KIAA1958: variants seen among roughly 807,000 people sequenced by gnomAD.
The protein encoded by KIAA1958 is KIAA1958, also known as uncharacterized protein KIAA1958.
KIAA1958 carries 14 observed loss-of-function variants against 47.2 expected under a neutral mutation model. The observed-to-expected ratio is 0.30, with a 90% confidence interval of 0.20 to 0.46. The LOEUF is 0.46. Ranked by LOEUF, KIAA1958 falls within the 20% of genes least tolerant of loss-of-function variation. KIAA1958 has a pLI of 1.00. For missense variants in KIAA1958, 803 were observed against 909.2 expected (o/e 0.88, Z 1.50); for synonymous variants, 354 against 353.3 (o/e 1.00, Z -0.02).
chr9:112,531,726 A>G (rs1271679919), intron 1 of KIAA1958, among the ~76,000 whole-genome samples: 1 of 152,216 alleles, frequency 6.6e-6, no homozygotes, highest in Non-Finnish European at 1.5e-5. Context: ...TATTTTGATA[A>G]TTACAACCCT....
At chr9:112,586,723 CCT>C (rs1835828089) in intron 2 of KIAA1958, among the ~76,000 whole-genome samples, 1 of 152,178 alleles carries the variant, frequency 6.6e-6, no homozygotes, top group South Asian at 2.1e-4. Flanking sequence ...TAGCTGTAAA[CCT>C]CAGAATATAA....
chr9:112,655,858 A>T (rs1837141878), intron 3 of KIAA1958, among the ~76,000 whole-genome samples: 1 of 152,146 alleles, frequency 6.6e-6, no homozygotes, highest in Non-Finnish European at 1.5e-5. Context: ...GGAATTTTGA[A>T]ACTGGATCTC....
chr9:112,556,535 G>C (rs1005649674), intron 1 of KIAA1958, among the ~76,000 whole-genome samples: 3 of 152,134 alleles, frequency 2.0e-5, no homozygotes, highest in Admixed American at 1.3e-4. Flanking sequence ...GGGTCTTACT[G>C]TGTTGCCCAG....
chr9:112,575,145 A>T lies in KIAA1958; in HGVS notation c.1065A>T (p.Val355=). Residue 355 remains valine (V), a synonymous_variant, in exon 2 of 4, where the codon GTA becomes GTT. Coordinates refer to ENST00000337530, the MANE Select transcript of KIAA1958 (RefSeq NM_133465.4). Reference sequence around the variant, plus strand: ...CCAGCCAGGTCTCCTCCTGTGAGGTAGCCCTTTCTCCCTCAGTTAACACAG... The same window carrying T: ...CCAGCCAGGTCTCCTCCTGTGAGGTTGCCCTTTCTCCCTCAGTTAACACAG... ...HLPSQVSSCE[V]ALSPSVNTEP... 6.2e-7 allele frequency: 1 copy of T among 1,602,208 alleles called. No individual in the cohort carries two copies. The highest frequency in any genetic ancestry group is 8.5e-7 in the Non-Finnish European group (1 of 1,179,864).
Position 112,602,675 on chromosome 9 carries a change from G to A in KIAA1958, c.1171+27424G>A, listed in dbSNP as rs74932888. On this transcript the variant is annotated intron_variant, in intron 2 of 3. Transcript: ENST00000337530. ...TAGTAATTTGTGTGATGGCCAACGG[G>A]TCCTTAATTCCTAAGGAACTATCCC... is the stretch of plus-strand genomic sequence containing the variant. 1.6e-3 allele frequency among the ~76,000 whole-genome samples: 244 copies of A among 152,176 alleles called. 1 individual carries two copies. The highest frequency in any genetic ancestry group is 5.4e-3 in the African/African-American group (226 of 41,528).
intron 2 of KIAA1958, among the ~76,000 whole-genome samples, chr9:112,601,900 A>C (rs1836139590): frequency 6.6e-6 from 1 of 152,236 alleles, no homozygotes; most frequent in South Asian, 2.1e-4. Flanking sequence ...ATACTGGACT[A>C]ACATACTATC....
At chr9:112,566,403 C>T (rs955188591) in intron 1 of KIAA1958, among the ~76,000 whole-genome samples, 7 of 152,050 alleles carry the variant, frequency 4.6e-5, no homozygotes, top group Non-Finnish European at 7.4e-5. Context: ...GAGTTCTCCC[C>T]GCCTTTACAA....
At chr9:112,558,822 T>C (rs1166671908) in intron 1 of KIAA1958, among the ~76,000 whole-genome samples, 1 of 152,126 alleles carries the variant, frequency 6.6e-6, no homozygotes, top group Non-Finnish European at 1.5e-5. Flanking sequence ...TATTTCACAG[T>C]GATAAGAAAG....
intron 2 of KIAA1958, among the ~76,000 whole-genome samples, chr9:112,597,737 T>C (rs1354702675): frequency 6.6e-6 from 1 of 152,230 alleles, no homozygotes; most frequent in Non-Finnish European, 1.5e-5. Context: ...GAATATGTTT[T>C]TGTTGAATGT....
intron 2 of KIAA1958, among the ~76,000 whole-genome samples, chr9:112,604,764 G>A (rs1836195825): frequency 6.6e-6 from 1 of 151,918 alleles, no homozygotes; most frequent in African/African-American, 2.4e-5. Flanking sequence ...AGCTTGGGAT[G>A]TTCATCCTTT....
Position 112,667,759 on chromosome 9 carries a change from ACCAT to A in KIAA1958, c.*7694_*7697del, listed in dbSNP as rs1233631969. The A allele has an allele frequency of 2.0e-5, 3 of 152,296 alleles. No individual in the cohort carries two copies. The highest frequency in any genetic ancestry group is 2.1e-4 in the South Asian group (1 of 4,812). 9.4% of individuals were successfully genotyped at this position (152,296 alleles called of 1,614,324 possible). On this transcript the variant is annotated 3_prime_UTR_variant, in exon 4 of 4. Transcript: ENST00000337530. ...GATACATAATTTTTTAGTTATGATAACCATCCAGGAAATATATGAGCTATGTAAT... is the reference window on the plus strand; with the variant it reads ...GATACATAATTTTTTAGTTATGATAACCAGGAAATATATGAGCTATGTAAT...
chr9:112,574,510 C>G lies in KIAA1958; in HGVS notation c.430C>G (p.Leu144Val). The G allele has an allele frequency of 6.2e-7, 1 of 1,614,102 alleles. No individual in the cohort carries two copies. Among genetic ancestry groups the G allele is most frequent in the Non-Finnish European group, 8.5e-7 (1 of 1,180,016 alleles). Residue 144 changes from leucine (L) to valine (V), a missense_variant, in exon 2 of 4, where the codon CTG becomes GTG. Leu to Val is a conservative substitution (Grantham distance 32). This residue lies in a region of KIAA1958 where 761 missense variants were observed against 829.3 expected (regional missense o/e 0.92). Coordinates refer to ENST00000337530, the MANE Select transcript of KIAA1958 (RefSeq NM_133465.4). ...TGAAGAATATGAAGATGAGAACACC[C>G]TGTTTGACATGGTTTGTGAGTCTTC... Reference protein sequence around the residue: ...TVEEYEDENTLFDMVCESSVT... With the variant: ...TVEEYEDENTVFDMVCESSVT...
intron 2 of KIAA1958, among the ~76,000 whole-genome samples, chr9:112,624,513 G>A (rs947392884): frequency 6.6e-6 from 1 of 152,194 alleles, no homozygotes; most frequent in African/African-American, 2.4e-5. Context: ...GGGAGTTGGT[G>A]TATTTCTAGT....
intron 2 of KIAA1958, among the ~76,000 whole-genome samples, chr9:112,588,723 C>A (rs1399142646): frequency 6.6e-6 from 1 of 152,118 alleles, no homozygotes; most frequent in Non-Finnish European, 1.5e-5. Context: ...GATTCCCAAG[C>A]TGGTTTCCTG....
intron 2 of KIAA1958, among the ~76,000 whole-genome samples, chr9:112,578,691 A>C (rs1037143714): frequency 6.6e-6 from 1 of 152,156 alleles, no homozygotes; most frequent in Non-Finnish European, 1.5e-5. Context: ...TTTTCATGTC[A>C]ATCCTGCCAT....
intron 2 of KIAA1958, among the ~76,000 whole-genome samples, chr9:112,609,870 A>G (rs915869737): frequency 1.4e-4 from 22 of 152,098 alleles, no homozygotes; most frequent in Admixed American, 7.9e-4. Context: ...CATATATTAA[A>G]TGACCAAATT....
intron 2 of KIAA1958, among the ~76,000 whole-genome samples, chr9:112,603,199 A>G (rs532948566): frequency 1.2e-4 from 19 of 152,296 alleles, no homozygotes; most frequent in African/African-American, 4.6e-4. Flanking sequence ...AGGTAGAGAA[A>G]TGGGTGTTGA....
chr9:112,662,223 T>C lies in KIAA1958; in HGVS notation c.*2154T>C, dbSNP rs1837287817. On this transcript the variant is annotated 3_prime_UTR_variant, in exon 4 of 4. Coordinates refer to ENST00000337530, the MANE Select transcript of KIAA1958 (RefSeq NM_133465.4). ...CCCTGGGTTCTGAAGTGAATTATTATAATTAATAATCAGGAGGGCGAATCT... is the reference window on the plus strand; with the variant it reads ...CCCTGGGTTCTGAAGTGAATTATTACAATTAATAATCAGGAGGGCGAATCT... 6.6e-6 allele frequency: 1 copy of C among 152,180 alleles called. No homozygotes were observed. The highest frequency in any genetic ancestry group is 6.5e-5 in the Admixed American group (1 of 15,282). 9.4% of individuals were successfully genotyped at this position (152,180 alleles called of 1,614,324 possible).
chr9:112,509,200 CTTT>C (rs67222850), intron 1 of KIAA1958, among the ~76,000 whole-genome samples: 5 of 113,142 alleles, frequency 4.4e-5, no homozygotes, highest in African/African-American at 1.3e-4. Context: ...CAGGCCCATT[CTTT>C]TTTTTTTTTT....
Sources: allele counts gnomAD v4.1 joint callset (sites outside exome capture counted in the v4.1 genomes callset), GRCh38; gene constraint gnomAD v4.1.1; regional missense constraint gnomAD v4.1.1; transcripts MANE v1.5; gene names NCBI Gene and HGNC (gene_info 2026-07-23, HGNC 2026-07-21).